MGAT4C: variants seen among roughly 807,000 people sequenced by gnomAD.
MGAT4C encodes the protein MGAT4 family member C, also known as alpha-1,3-mannosyl-glycoprotein 4-beta-N-acetylglucosaminyltransferase C.
A neutral mutation model predicts 40.1 loss-of-function variants in MGAT4C; 19 were observed. The observed-to-expected ratio is 0.47, with a 90% CI of 0.33 to 0.70. The LOEUF (loss-of-function observed/expected upper bound fraction) is 0.70, where lower values mean the gene tolerates loss of function less well. Among genes scored for constraint, MGAT4C ranks in the 30% least tolerant of loss-of-function variants. MGAT4C has a pLI of 0.02. For synonymous variants in MGAT4C, 181 were observed against 187.1 expected, an observed-to-expected ratio of 0.97 and a Z score of 0.27; for missense variants, 491 against 563.2, an observed-to-expected ratio of 0.87 and a Z score of 1.30.
chr12:86,416,257 A>G (rs992995116), intron 3 of MGAT4C, among the ~76,000 whole-genome samples: 6 of 152,036 alleles, frequency 3.9e-5, no homozygotes, highest in African/African-American at 1.4e-4. Context: ...AAAAAATGTG[A>G]TAAGCTTTTC....
In MGAT4C at chr12:86,707,524, T is replaced by C. The variant is rs1469714474; in HGVS notation, c.-229+19685A>G. On this transcript the variant is annotated intron_variant, in intron 2 of 7. Coordinates refer to the MGAT4C transcript ENST00000548651. ...AGGGTATCTGGCGGAGGAATTTTTC[T>C]TTTCTTTTTTTTTTTTTTTTAATTG... 3.3e-5 allele frequency among the ~76,000 whole-genome samples: 5 copies of C among 149,964 alleles called. No individual in the cohort carries two copies. The East Asian group carries it at 5.9e-4, about 18-fold the overall frequency.
At chr12:86,154,109 C>T (rs924964257) in intron 1 of MGAT4C, among the ~76,000 whole-genome samples, 2 of 152,152 alleles carry the variant, frequency 1.3e-5, no homozygotes, top group Non-Finnish European at 2.9e-5. Flanking sequence ...GTATTGAGTA[C>T]TTTTTGAGTA....
chr12:86,256,772 A>C (rs2136089171), upstream of MGAT4C, among the ~76,000 whole-genome samples: 1 of 152,266 alleles, frequency 6.6e-6, no homozygotes, highest in South Asian at 2.1e-4. Flanking sequence ...TGGAATTTTA[A>C]ATTTTGTAAT....
chr12:86,169,271 T>G (rs1328373207), intron 1 of MGAT4C, among the ~76,000 whole-genome samples: 1 of 152,136 alleles, frequency 6.6e-6, no homozygotes, highest in African/African-American at 2.4e-5. Flanking sequence ...GTCTTGGGTC[T>G]TCATAAGTTT....
In MGAT4C at chr12:86,551,430, T is replaced by A. The variant is rs144064741; in HGVS notation, c.-228-116165A>T. On this transcript the variant is annotated intron_variant, in intron 2 of 7. Coordinates refer to the MGAT4C transcript ENST00000548651. Reference sequence around the variant, plus strand: ...CTGGTAGAAACAGCCTCATGGGACATCTCTGGCAGACATTCCTCCAGGCCA... The same window carrying A: ...CTGGTAGAAACAGCCTCATGGGACAACTCTGGCAGACATTCCTCCAGGCCA... Among the ~76,000 whole-genome samples the A allele has an allele frequency of 7.3e-5, 11 of 151,208 alleles. No individual in the cohort carries two copies. The East Asian group carries it at 2.2e-3, about 30-fold the overall frequency.
At chr12:86,603,888 T>C (rs1315862123) in intron 2 of MGAT4C, among the ~76,000 whole-genome samples, 3 of 149,296 alleles carry the variant, frequency 2.0e-5, no homozygotes, top group African/African-American at 7.4e-5. Flanking sequence ...TAAGTACTTA[T>C]GGGACACACA....
intron 2 of MGAT4C, among the ~76,000 whole-genome samples, chr12:86,030,467 T>G (rs1429601562): frequency 6.6e-6 from 1 of 151,674 alleles, no homozygotes; most frequent in Non-Finnish European, 1.5e-5. Context: ...AATGAAAAAG[T>G]TCACTGGTAC....
intron 1 of MGAT4C, among the ~76,000 whole-genome samples, chr12:86,757,621 A>C (rs1165881105): frequency 6.6e-6 from 1 of 152,078 alleles, no homozygotes; most frequent in Non-Finnish European, 1.5e-5. Context: ...ACCTGCATAG[A>C]GTTTAATATT....
intron 2 of MGAT4C, among the ~76,000 whole-genome samples, chr12:86,704,152 A>G (rs115526040): frequency 0.031 from 4,719 of 152,226 alleles, 122 homozygotes; most frequent in African/African-American, 0.074. Flanking sequence ...GAATTATTTC[A>G]TTTACTTTTT....
At chr12:86,291,266 G>A (rs1276359008) in intron 4 of MGAT4C, among the ~76,000 whole-genome samples, 1 of 152,160 alleles carries the variant, frequency 6.6e-6, no homozygotes, top group Non-Finnish European at 1.5e-5. Flanking sequence ...CACAAGTCCG[G>A]GTTAAAAAGT....
rs896548727 is a variant in MGAT4C, at chr12:85,961,841, C to T, written c.*17448G>A. On this transcript the variant is annotated 3_prime_UTR_variant, in exon 5 of 5. Transcript: ENST00000611864. ...GCAGCTATTAAATACAATTTGAAGC[C>T]GTGGGATTTTATTAGGATTCTAAGG... 6.6e-6 allele frequency: 1 copy of T among 151,718 alleles called. No individual in the cohort carries two copies. Among genetic ancestry groups the T allele is most frequent in the African/African-American group, 2.4e-5 (1 of 41,384 alleles). 9.4% of individuals were successfully genotyped at this position (151,718 alleles called of 1,614,324 possible). A position where few individuals can be genotyped will look rare whatever the true frequency, so the allele number is the denominator to read the frequency against.
chr12:86,365,849 T>C (rs986596161), intron 3 of MGAT4C, among the ~76,000 whole-genome samples: 19 of 152,174 alleles, frequency 1.2e-4, no homozygotes, highest in Admixed American at 2.6e-4. Context: ...TGTTTTTGCT[T>C]AGGATTGCTT....
chr12:86,747,616 A>G (rs1052051549), intron 1 of MGAT4C, among the ~76,000 whole-genome samples: 5 of 151,618 alleles, frequency 3.3e-5, no homozygotes, highest in Admixed American at 6.6e-5. Context: ...TTTCTTTTTC[A>G]GAGCAAATTT....
At chr12:86,327,077 G>T (rs1037902243) in intron 4 of MGAT4C, among the ~76,000 whole-genome samples, 1 of 151,936 alleles carries the variant, frequency 6.6e-6, no homozygotes, top group Non-Finnish European at 1.5e-5. Flanking sequence ...CAAGATAATA[G>T]ACATGTAAGG....
chr12:86,180,901 T>A (rs1888045009), intron 1 of MGAT4C, among the ~76,000 whole-genome samples: 1 of 152,118 alleles, frequency 6.6e-6, no homozygotes, highest in African/African-American at 2.4e-5. Flanking sequence ...GCATGATTGA[T>A]TTTCAAATGT....
chr12:86,790,831 TA>T (rs34039877), intron 1 of MGAT4C, among the ~76,000 whole-genome samples: 1 of 152,064 alleles, frequency 6.6e-6, no homozygotes, highest in Non-Finnish European at 1.5e-5. Flanking sequence ...GGTTCAGTTA[TA>T]AAAAAATGGA....
chr12:86,124,006 C>A (rs1271754932), intron 1 of MGAT4C, among the ~76,000 whole-genome samples: 1 of 151,950 alleles, frequency 6.6e-6, no homozygotes, highest in Non-Finnish European at 1.5e-5. Context: ...TACGACTCCA[C>A]CGATAGGACA....
chr12:86,118,299 C>T (rs915664729), intron 1 of MGAT4C, among the ~76,000 whole-genome samples: 12 of 151,996 alleles, frequency 7.9e-5, no homozygotes, highest in Non-Finnish European at 1.3e-4. Context: ...GTTCAGGGTC[C>T]GGCAAGGAAC....
At chr12:86,752,046 C>A (rs1272388927) in intron 1 of MGAT4C, among the ~76,000 whole-genome samples, 1 of 151,792 alleles carries the variant, frequency 6.6e-6, no homozygotes, top group African/African-American at 2.4e-5. Context: ...CTTATAAAAG[C>A]ATATCAAATA....
Sources: allele counts gnomAD v4.1 joint callset (sites outside exome capture counted in the v4.1 genomes callset), GRCh38; gene constraint gnomAD v4.1.1; transcripts MANE v1.5; gene names NCBI Gene and HGNC (gene_info 2026-07-23, HGNC 2026-07-21).